The following WASHC2C variants were observed in gnomAD, a reference collection of about 807,000 sequenced individuals.
WASHC2C encodes Vaccinia Penetration Factor.
A neutral mutation model predicts 142.2 loss-of-function variants in WASHC2C; 73 were observed. The observed-to-expected ratio is 0.51, with a 90% CI of 0.43 to 0.62. WASHC2C has a LOEUF of 0.62. WASHC2C is among the 20% of genes least tolerant of loss of function. The pLI is 0.00. For synonymous variants in WASHC2C, 337 were observed against 565.5 expected (o/e 0.60, Z 5.73); for missense variants, 969 against 1,531.7 (o/e 0.63, Z 6.13).
Position 45,752,655 on chromosome 10 carries a change from A to T in WASHC2C, c.1071A>T (p.Gly357=), listed in dbSNP as rs1554875315. Residue 357 remains glycine, a synonymous_variant, in exon 12 of 31, where the codon GGA becomes GGT. Coordinates refer to ENST00000623400, the MANE Select transcript of WASHC2C (RefSeq NM_001330074.2). ...TDEDFSPFGS[G]GGLFSGGKGL... ...AGGACTTCTCGCCATTTGGCTCTGG[A>T]GGTGGCCTGTTCAGTGGCGGCAAGG... 1 of 1,609,710 alleles carries T rather than the reference A, an allele frequency of 6.2e-7. No homozygotes were observed. The highest frequency in any genetic ancestry group is 2.2e-5 in the East Asian group (1 of 44,772).
intron 29 of WASHC2C, 21 bp from the exon 30 acceptor site, chr10:45,790,335 A>G: frequency 9.3e-6 from 15 of 1,609,522 alleles, no homozygotes; most frequent in South Asian, 5.6e-5. Flanking sequence ...ATTGTTTTGT[A>G]TGTATTTTTG....
At position 45,777,254 on chromosome 10, in the gene WASHC2C, T is replaced by C. The variant is rs199642477; in HGVS notation, c.2143-19T>C. 6 of 1,551,820 alleles carry C rather than the reference T, an allele frequency of 3.9e-6. No homozygotes were observed. In the East Asian group the frequency reaches 1.4e-4, roughly 36 times the overall value. ...CACTTTTTTATTGTTGTGGATGTCA[T>C]GTACTCTTCTTTTGGTAGAAAAAAG... is the stretch of plus-strand genomic sequence containing the variant. On this transcript the variant is annotated intron_variant, in intron 21 of 30. Transcript: ENST00000623400.
intron 23 of WASHC2C, 149 bp downstream of exon 23, chr10:45,779,284 G>A (rs2057316523): frequency 1.6e-6 from 1 of 636,346 alleles, no homozygotes; most frequent in Non-Finnish European, 2.8e-6. Context: ...AGATATTTGG[G>A]AATCTTAATC....
chr10:45,762,508 A>G (rs1230181996), intron 17 of WASHC2C, among the ~76,000 whole-genome samples: 1 of 152,230 alleles, frequency 6.6e-6, no homozygotes, highest in African/African-American at 2.4e-5. Context: ...AAGTTTCTTT[A>G]GAATCTATCA....
intron 4 of WASHC2C, among the ~76,000 whole-genome samples, chr10:45,738,979 T>A (rs1437018502): frequency 6.6e-6 from 1 of 152,220 alleles, no homozygotes; most frequent in Non-Finnish European, 1.5e-5. Flanking sequence ...AGTGCTAGGA[T>A]TACAGGTGTG....
At chr10:45,733,887 C>CATAT (rs1367383137) in intron 3 of WASHC2C, among the ~76,000 whole-genome samples, 2 of 152,132 alleles carry the variant, frequency 1.3e-5, no homozygotes, top group African/African-American at 4.8e-5. Context: ...ACGTTTAGCA[C>CATAT]ATATATTCTA....
At chr10:45,735,226 T>C (rs1452940280) in intron 3 of WASHC2C, among the ~76,000 whole-genome samples, 1 of 151,746 alleles carries the variant, frequency 6.6e-6, no homozygotes, top group Non-Finnish European at 1.5e-5. Context: ...GATTATCTTT[T>C]ACTTATTTAT....
At chr10:45,790,240 C>G (rs2058320166) in intron 29 of WASHC2C, 116 bp from the exon 30 acceptor site, 4 of 1,540,124 alleles carry the variant, frequency 2.6e-6, no homozygotes, top group Non-Finnish European at 2.6e-6. Context: ...AGTGGGCAGT[C>G]TCGAGGCCGT....
chr10:45,752,950 G>T (rs2053793605), intron 12 of WASHC2C, among the ~76,000 whole-genome samples: 1 of 109,176 alleles, frequency 9.2e-6, no homozygotes, highest in African/African-American at 4.1e-5. Flanking sequence ...CTAGGTGATT[G>T]TTTCTTGCCT....
rs551516841 is a variant in WASHC2C at position 45,757,112 on chromosome 10, T to A, written c.1521T>A (p.Asp507Glu). The change falls in exon 16 of 31, where the codon GAT (aspartate) becomes GAA (glutamate). Residue 507 changes from aspartate (D) to glutamate (E), a missense_variant. Transcript: ENST00000623400. ...ASPEATVSQT[D>E]ENKARAEKKV... ...CAGAAGCCACTGTGAGTCAGACAGA[T>A]GAAAATAAAGCAAGAGCAGAAAAAA... 2.0e-4 allele frequency: 317 copies of A among 1,604,248 alleles called. 3 individuals are homozygous for A. In the South Asian group the frequency reaches 3.2e-3, roughly 16 times the overall value.
intron 13 of WASHC2C, among the ~76,000 whole-genome samples, chr10:45,753,824 TG>T (rs1306207319): frequency 1.4e-5 from 2 of 147,398 alleles, no homozygotes; most frequent in Admixed American, 6.7e-5. Flanking sequence ...AATATAAATA[TG>T]TTTTTTTTTT....
rs1554886805 is a variant in WASHC2C at position 45,777,464 on chromosome 10, C to G, written c.2295+39C>G. 2.5e-6 allele frequency: 4 copies of G among 1,612,528 alleles called. No homozygotes were observed. In the Admixed American group the frequency reaches 5.0e-5, roughly 20 times the overall value. The stretch of plus-strand genomic sequence containing the variant: ...CTTGTATACTTGAATGCATTTGTCT[C>G]TCGTATGTTGTTTCAAACACACCCA... On this transcript the variant is annotated intron_variant, in intron 22 of 30. Coordinates refer to ENST00000623400, the MANE Select transcript of WASHC2C (RefSeq NM_001330074.2).
rs1278036834 is a variant in WASHC2C, at chr10:45,738,006, G to A, written c.315G>A (p.Glu105=). 5.0e-6 allele frequency: 8 copies of A among 1,611,696 alleles called. No homozygotes were observed. Among genetic ancestry groups the A allele is most frequent in the Non-Finnish European group, 6.8e-6 (8 of 1,179,850 alleles). The change falls in exon 4 of 31, where the codon GAG becomes GAA. Residue 105 remains glutamate (E), a synonymous_variant. Coordinates refer to ENST00000623400, the MANE Select transcript of WASHC2C (RefSeq NM_001330074.2). ...AGCGTGTATATGATGAAGAAGTGGA[G>A]GAGCCAGTACTCAAGGCTGAGGCAG... is the stretch of plus-strand genomic sequence containing the variant. ...IENRVYDEEV[E]EPVLKAEAEK... is the part of the protein sequence containing the mutation.
chr10:45,789,040 C>G lies in WASHC2C; in HGVS notation c.3257C>G (p.Ala1086Gly). Residue 1086 changes from alanine (A) to glycine (G), a missense_variant, in exon 29 of 31, where the codon GCC (alanine) becomes GGC (glycine). Physicochemically the swap from Ala to Gly is moderately conservative, Grantham distance 60. Transcript: ENST00000623400. ...PNGHRPQLRA[A>G]SGEDSTEEAL... ...GGCCATCGGCCACAGCTCAGAGCAG[C>G]CAGTGGAGAAGACAGCACTGAGGAG... 6.2e-7 allele frequency: 1 copy of G among 1,612,026 alleles called. No homozygotes were observed. The highest frequency in any genetic ancestry group is 8.5e-7 in the Non-Finnish European group (1 of 1,179,862).
At chr10:45,761,349 G>A (rs2055052541) in intron 17 of WASHC2C, among the ~76,000 whole-genome samples, 1 of 152,200 alleles carries the variant, frequency 6.6e-6, no homozygotes, top group African/African-American at 2.4e-5. Context: ...AGCCTTGGAA[G>A]TCAACGGTGG....
intron 8 of WASHC2C, among the ~76,000 whole-genome samples, chr10:45,747,344 A>G (rs1392736469): frequency 2.6e-5 from 4 of 152,070 alleles, no homozygotes; most frequent in Non-Finnish European, 4.4e-5. Flanking sequence ...GGGTTTCACC[A>G]TGTTGGCCAG....
At chr10:45,786,065 C>T (rs138225532) in intron 26 of WASHC2C, 1,034 of 270,270 alleles carry the variant, frequency 3.8e-3, no homozygotes, top group African/African-American at 0.022. Flanking sequence ...CTTCTCAGAA[C>T]GCTGTGGAGC....
At chr10:45,779,647 A>C (rs1191624325) in intron 23 of WASHC2C, among the ~76,000 whole-genome samples, 3 of 152,118 alleles carry the variant, frequency 2.0e-5, no homozygotes, top group Admixed American at 2.0e-4. Flanking sequence ...GGAAACATGA[A>C]GATGGATGGG....
Position 45,792,413 on chromosome 10 carries a change from A to G in WASHC2C, c.*13A>G. ...TGGAGGCCAGTAGAGCACACAGGGTATCCACATGTTACCCTGCAGCTACAT... is the reference window on the plus strand; with the variant it reads ...TGGAGGCCAGTAGAGCACACAGGGTGTCCACATGTTACCCTGCAGCTACAT... On this transcript the variant is annotated 3_prime_UTR_variant, in exon 31 of 31. Transcript: ENST00000623400. 24 of 1,563,672 alleles carry G rather than the reference A, an allele frequency of 1.5e-5. 2 individuals are homozygous for G. The highest frequency in any genetic ancestry group is 2.1e-5 in the Non-Finnish European group (24 of 1,145,818).
Sources: allele counts gnomAD v4.1 joint callset (sites outside exome capture counted in the v4.1 genomes callset), GRCh38; gene constraint gnomAD v4.1.1; transcripts MANE v1.5; gene names NCBI Gene and HGNC (gene_info 2026-07-23, HGNC 2026-07-21).